ALDH3A2: variants seen among roughly 807,000 people sequenced by gnomAD.
ALDH3A2 encodes aldehyde dehydrogenase family 3 member A2.
A neutral mutation model predicts 51.3 loss-of-function variants in ALDH3A2; 36 were observed. The ratio of observed to expected loss-of-function variants is 0.70; its 90% CI spans 0.54 to 0.93. ALDH3A2 has a LOEUF of 0.93. Among genes scored for constraint, ALDH3A2 ranks in the 40% least tolerant of loss-of-function variants. The pLI, the probability that ALDH3A2 is intolerant of heterozygous loss-of-function variation, is 0.00. For missense variants in ALDH3A2, 552 were observed against 603.1 expected (o/e 0.92, Z 0.89); for synonymous variants, 199 against 219.8 (o/e 0.91, Z 0.84).
At chr17:19,661,456 A>G (rs1225315426) in intron 6 of ALDH3A2, 188 bp downstream of exon 6, 2 of 674,454 alleles carry the variant, frequency 3.0e-6, no homozygotes, top group East Asian at 5.7e-5. Flanking sequence ...GTTTCTGTGT[A>G]TTGAATGATG....
rs1189769004 is a variant in ALDH3A2 at position 19,649,127 on chromosome 17, A to G, written c.153+3A>G. 2 of 1,561,918 alleles carry G rather than the reference A, an allele frequency of 1.3e-6. No individual in the cohort carries two copies. The highest frequency in any genetic ancestry group is 2.3e-5 in the South Asian group (2 of 85,370). ...CCATCGCCGCCGACCTGTGCAAGGT[A>G]CGCACGCGTGCGGCGGGGTGTGGGG... On this transcript the variant is annotated splice_donor_region_variant and intron_variant, in intron 1 of 9. Coordinates refer to ENST00000176643, the MANE Select transcript of ALDH3A2 (RefSeq NM_000382.3).
intron 5 of ALDH3A2, 92 bp from the exon 6 acceptor site, chr17:19,661,035 A>G (rs969710826): frequency 1.6e-6 from 2 of 1,260,490 alleles, no homozygotes; most frequent in Admixed American, 3.6e-5. Flanking sequence ...ATATAAAACC[A>G]GATTGATTTT....
intron 8 of ALDH3A2, among the ~76,000 whole-genome samples, chr17:19,665,382 TGTGTGTGTGTGTGTGTGTGTGTGTGTG>T (rs1013260548): frequency 6.6e-6 from 1 of 151,202 alleles, no homozygotes; most frequent in Non-Finnish European, 1.5e-5. Context: ...TCTTCGTGTG[TGTGTGTGTGTGTGTGTGTGTGTGTGTG>T]GTGTGTGTGT....
chr17:19,665,757 T>C (rs998199999), intron 8 of ALDH3A2, among the ~76,000 whole-genome samples: 1 of 152,184 alleles, frequency 6.6e-6, no homozygotes, highest in Non-Finnish European at 1.5e-5. Context: ...CTAGGTGGGC[T>C]TTTCTACTCT....
At chr17:19,666,078 G>A (rs991343103) in intron 8 of ALDH3A2, among the ~76,000 whole-genome samples, 1 of 152,062 alleles carries the variant, frequency 6.6e-6, no homozygotes, top group African/African-American at 2.4e-5. Context: ...CCAATTGGTA[G>A]GTATTGCCAG....
At chr17:19,663,949 A>G (rs2152330847) in intron 7 of ALDH3A2, among the ~76,000 whole-genome samples, 1 of 152,348 alleles carries the variant, frequency 6.6e-6, no homozygotes, top group South Asian at 2.1e-4. Flanking sequence ...TTCTAACATG[A>G]CGCTAGCTTC....
chr17:19,677,311 AAATT>A lies in ALDH3A2; in HGVS notation c.*1743_*1746del, dbSNP rs1229906493. 6 of 152,358 alleles carry A rather than the reference AAATT, an allele frequency of 3.9e-5. No individual in the cohort carries two copies. Among genetic ancestry groups the A allele is most frequent in the East Asian group, 3.9e-4 (2 of 5,190 alleles). 9.4% of individuals were successfully genotyped at this position (152,358 alleles called of 1,614,324 possible). ...TCTTCATCATAGTATGAAGTGTTGA[AAATT>A]AATAACGAGCCTAGTTTAGGAAAAA... On this transcript the variant is annotated 3_prime_UTR_variant, in exon 10 of 10. Coordinates refer to ENST00000176643, the MANE Select transcript of ALDH3A2 (RefSeq NM_000382.3).
intron 3 of ALDH3A2, among the ~76,000 whole-genome samples, chr17:19,653,862 AGCTGATTGGTCCGTTTTGACAGGGT>A (rs1185241903): frequency 3.3e-5 from 5 of 152,084 alleles, no homozygotes; most frequent in African/African-American, 1.2e-4. Flanking sequence ...TTTTACAGAG[AGCTGATTGGTCCGTTTTGACAGGGT>A]GCTGATTGGT....
rs1281223625 is a variant in ALDH3A2, at chr17:19,648,824, T to C, written c.-148T>C. On this transcript the variant is annotated 5_prime_UTR_variant, in exon 1 of 10. Coordinates refer to ENST00000176643, the MANE Select transcript of ALDH3A2 (RefSeq NM_000382.3). ...AGGTCGCGGCTGAGCGAGCGAGCCCTGGGCGAGTGAATTGTGGCTGTGGGT... is the reference window on the plus strand; with the variant it reads ...AGGTCGCGGCTGAGCGAGCGAGCCCCGGGCGAGTGAATTGTGGCTGTGGGT... 8 of 1,130,608 alleles carry C rather than the reference T, an allele frequency of 7.1e-6. No homozygotes were observed. Among genetic ancestry groups the C allele is most frequent in the Non-Finnish European group, 8.8e-6 (7 of 796,996 alleles). The allele number at this position is 1,130,608 out of a possible 1,614,324, so 70.0% of individuals were successfully genotyped here. A position where few individuals can be genotyped will look rare whatever the true frequency, so the allele number is the denominator to read the frequency against.
intron 3 of ALDH3A2, among the ~76,000 whole-genome samples, chr17:19,653,564 C>T (rs537472998): frequency 8.6e-5 from 13 of 150,700 alleles, no homozygotes; most frequent in East Asian, 1.9e-4. Flanking sequence ...CTTAAGGCGG[C>T]GCATCTGGAG....
At chr17:19,658,576 A>C (rs769683103) in intron 5 of ALDH3A2, among the ~76,000 whole-genome samples, 82 of 151,896 alleles carry the variant, frequency 5.4e-4, no homozygotes, top group Admixed American at 2.1e-3. Flanking sequence ...AATACAAAAA[A>C]ATCAGCCGGG....
Position 19,652,640 on chromosome 17 carries a change from TTTC to T in ALDH3A2, c.471+11_471+13del, listed in dbSNP as rs776125635. On this transcript the variant is annotated intron_variant, in intron 3 of 9. Transcript: ENST00000176643. ...CCTCAGTATTTAGACCAGGTAAGAA[TTTC>T]TTGACTCATCTCCAACATATGTGTT... 1.7e-5 allele frequency: 27 copies of T among 1,600,108 alleles called. No homozygotes were observed. Among genetic ancestry groups the T allele is most frequent in the Middle Eastern group, 1.7e-4 (1 of 6,034 alleles).
chr17:19,663,296 C>CTT, intron 6 of ALDH3A2, 37 bp from the exon 7 acceptor site: 3 of 1,606,990 alleles, frequency 1.9e-6, no homozygotes, highest in Non-Finnish European at 2.6e-6. Context: ...GCATTTTTGT[C>CTT]TAATAAGCAT....
Position 19,663,355 on chromosome 17 carries a change from T to G in ALDH3A2, c.963T>G (p.Val321=). The change falls in exon 7 of 10, where the codon GTT becomes GTG. Residue 321 remains valine (V), a synonymous_variant. Coordinates refer to ENST00000176643, the MANE Select transcript of ALDH3A2 (RefSeq NM_000382.3). ...TAGCCCCAACAGTACTTACCGATGT[T>G]GATCCTAAAACCAAGGTGATGCAAG... The part of the protein sequence containing the change: ...RYIAPTVLTD[V]DPKTKVMQEE... 2 of 1,614,194 alleles carry G rather than the reference T, an allele frequency of 1.2e-6. No individual in the cohort carries two copies. The highest frequency in any genetic ancestry group is 8.5e-7 in the Non-Finnish European group (1 of 1,180,016).
intron 8 of ALDH3A2, among the ~76,000 whole-genome samples, chr17:19,667,122 T>G (rs530756509): frequency 1.2e-4 from 19 of 152,296 alleles, no homozygotes; most frequent in African/African-American, 4.6e-4. Flanking sequence ...TGCACACATA[T>G]GCACACACAT....
rs1597556233 is a variant in ALDH3A2, at chr17:19,656,518, G to A, written c.624G>A (p.Leu208=). The change falls in exon 4 of 10, where the codon CTG becomes CTA. Residue 208 remains leucine (L), a synonymous_variant. Coordinates refer to ENST00000176643, the MANE Select transcript of ALDH3A2 (RefSeq NM_000382.3). ...AKHLTPVTLE[L]GGKSPCYIDK... ...ATCTGACCCCTGTGACTCTTGAACT[G>A]GGAGGGAAAAGTCCATGTTATATTG... 1 of 1,614,122 alleles carries A rather than the reference G, an allele frequency of 6.2e-7. No homozygotes were observed. The highest frequency in any genetic ancestry group is 8.5e-7 in the Non-Finnish European group (1 of 1,180,016).
intron 3 of ALDH3A2, among the ~76,000 whole-genome samples, chr17:19,653,613 G>C (rs897510828): frequency 6.6e-6 from 1 of 152,030 alleles, no homozygotes. Flanking sequence ...CATTCCTCCC[G>C]GTGGGTTCGT....
At chr17:19,648,496 G>A (rs2084764530), upstream of ALDH3A2, 1 of 156,370 alleles carries the variant, frequency 6.4e-6, no homozygotes, top group Admixed American at 6.4e-5. Flanking sequence ...TGCTCCTCCA[G>A]GATTCCTCTT....
rs1164695911 is a variant in ALDH3A2 at position 19,651,682 on chromosome 17, A to C, written c.289A>C (p.Ile97Leu). The C allele has an allele frequency of 3.7e-6, 6 of 1,614,194 alleles. No homozygotes were observed. Among genetic ancestry groups the C allele is most frequent in the East Asian group, 2.2e-5 (1 of 44,888 alleles). The change falls in exon 2 of 10, where the codon ATT becomes CTT. Residue 97 changes from isoleucine (I) to leucine (L), a missense_variant. Coordinates refer to ENST00000176643, the MANE Select transcript of ALDH3A2 (RefSeq NM_000382.3). ...GCTCACCATGCTGGATGAGGCCTAT[A>C]TTCAGCCACAGCCTCTGGGAGTGGT... Reference protein sequence around the residue: ...NVLTMLDEAYIQPQPLGVVLI... With the variant: ...NVLTMLDEAYLQPQPLGVVLI...
Sources: gnomAD v4.1 joint callset for allele counts (sites outside exome capture counted in the v4.1 genomes callset) on GRCh38, gnomAD v4.1.1 for gene constraint, MANE v1.5 for transcripts, NCBI Gene and HGNC (gene_info 2026-07-23, HGNC 2026-07-21) for gene names.